The following CNGA4 variants were observed in gnomAD, a reference collection of about 807,000 sequenced individuals.
CNGA4 encodes cyclic nucleotide-gated channel alpha-4.
CNGA4 carries 32 observed loss-of-function variants against 45.6 expected under a neutral mutation model. The ratio of observed to expected loss-of-function variants is 0.70; its 90% CI spans 0.53 to 0.94. The LOEUF is 0.94. CNGA4 is among the 40% of genes least tolerant of loss of function. The pLI, the probability that CNGA4 is intolerant of heterozygous loss-of-function variation, is 0.00. For missense variants in CNGA4, 726 were observed against 755.1 expected, an observed-to-expected ratio of 0.96 and a Z score of 0.45; for synonymous variants, 293 against 304.6, an observed-to-expected ratio of 0.96 and a Z score of 0.40.
upstream of CNGA4, chr11:6,235,361 G>A (rs1022234562): frequency 2.1e-6 from 1 of 483,138 alleles, no homozygotes; most frequent in African/African-American, 2.1e-5. Flanking sequence ...CACGGAATAA[G>A]TGCCTGCATG....
At chr11:6,239,538 GAGGTCA>G (rs1847879872) in intron 2 of CNGA4, 53 bp downstream of exon 2, 4 of 1,590,450 alleles carry the variant, frequency 2.5e-6, no homozygotes, top group Middle Eastern at 1.7e-4. Flanking sequence ...GGACTAAAGA[GAGGTCA>G]AGGAGAAGGG....
upstream of CNGA4, among the ~76,000 whole-genome samples, chr11:6,237,164 G>T (rs1288427556): frequency 1.3e-5 from 2 of 152,190 alleles, no homozygotes; most frequent in Non-Finnish European, 1.5e-5. Context: ...TCTAGCCTTA[G>T]AAGTCACACA....
At chr11:6,236,899 C>G (rs1847846505), upstream of CNGA4, among the ~76,000 whole-genome samples, 1 of 152,156 alleles carries the variant, frequency 6.6e-6, no homozygotes, top group Non-Finnish European at 1.5e-5. Context: ...TCCATGATGT[C>G]TGGGGCCTTA....
In CNGA4 at chr11:6,243,979, A is replaced by T; in HGVS notation, c.1298A>T (p.Asn433Ile). The change falls in exon 6 of 6, where the codon AAC becomes ATC. Residue 433 changes from asparagine to isoleucine, a missense_variant. Asn to Ile is a moderately radical substitution (Grantham distance 149). Transcript: ENST00000379936. ...ATGTCTGGGAACCGCCGCACAGCCA[A>T]CATCAAGAGCCTAGGTTATTCAGAC... ...GNMSGNRRTA[N>I]IKSLGYSDLF... The T allele has an allele frequency of 1.2e-6, 2 of 1,613,964 alleles. No individual in the cohort carries two copies.
At chr11:6,239,991 C>A in intron 3 of CNGA4, 75 bp from the exon 4 acceptor site, 1 of 1,527,710 alleles carries the variant, frequency 6.5e-7, no homozygotes, top group Non-Finnish European at 8.9e-7. Flanking sequence ...GTCTCCCTGG[C>A]CTGCCCTGGG....
At chr11:6,237,742 A>T (rs1204521628), upstream of CNGA4, among the ~76,000 whole-genome samples, 9 of 152,200 alleles carry the variant, frequency 5.9e-5, no homozygotes, top group Non-Finnish European at 1.2e-4. Context: ...AAGCCATGGG[A>T]AAAGAGAGTT....
In CNGA4 at chr11:6,241,696, G is replaced by C; in HGVS notation, c.1183G>C (p.Val395Leu). 6.2e-7 allele frequency: 1 copy of C among 1,614,196 alleles called. No homozygotes were observed. Among genetic ancestry groups the C allele is most frequent in the Non-Finnish European group, 8.5e-7 (1 of 1,180,042 alleles). ...CATCATCCGAGAGGGTCAACTGGCCGTGGTGGCAGATGATGGTATCACACA... is the reference window on the plus strand; with the variant it reads ...CATCATCCGAGAGGGTCAACTGGCCCTGGTGGCAGATGATGGTATCACACA... ...MYIIREGQLA[V>L]VADDGITQYA... The change falls in exon 5 of 6, where the codon GTG (valine) becomes CTG (leucine). Residue 395 changes from valine (V) to leucine (L), a missense_variant. Coordinates refer to ENST00000379936, the MANE Select transcript of CNGA4 (RefSeq NM_001037329.4).
chr11:6,242,418 A>T (rs996066153), intron 5 of CNGA4, among the ~76,000 whole-genome samples: 3 of 152,070 alleles, frequency 2.0e-5, no homozygotes, highest in African/African-American at 7.2e-5. Context: ...CCTGTGCAGT[A>T]GGAATTGTTA....
chr11:6,235,254 G>C (rs891181630), upstream of CNGA4, among the ~76,000 whole-genome samples: 1 of 152,192 alleles, frequency 6.6e-6, no homozygotes, highest in Non-Finnish European at 1.5e-5. Context: ...TGCATAGCTT[G>C]GTCTCTACTT....
chr11:6,240,432 G>A lies in CNGA4; in HGVS notation c.638G>A (p.Arg213His), dbSNP rs376486440. The A allele has an allele frequency of 5.5e-5, 88 of 1,614,120 alleles. No individual in the cohort carries two copies. The East Asian group carries it at 1.6e-3, about 29-fold the overall frequency. The stretch of plus-strand genomic sequence containing the variant: ...GACCCCGCGCAGCCTGGCTTTGAGC[G>A]CCTGCGGCGCCAGTACCTCTATAGC... Reference protein sequence around the residue: ...YPDPAQPGFERLRRQYLYSFY... With the variant: ...YPDPAQPGFEHLRRQYLYSFY... The change falls in exon 4 of 6, where the codon CGC becomes CAC. Residue 213 changes from arginine (R) to histidine (H), a missense_variant. Arg to His is a conservative substitution (Grantham distance 29). Coordinates refer to ENST00000379936, the MANE Select transcript of CNGA4 (RefSeq NM_001037329.4). This position sits in a 1 kb window ranked among gnomAD's most constrained non-coding sequence, Gnocchi z 4.9.
rs1373757845 is a variant in CNGA4, at chr11:6,240,090, T to G, written c.296T>G (p.Val99Gly). The change falls in exon 4 of 6, where the codon GTG (valine) becomes GGG (glycine). Residue 99 changes from valine (V) to glycine (G), a missense_variant. Transcript: ENST00000379936. This position sits in a 1 kb window ranked among gnomAD's most constrained non-coding sequence, Gnocchi z 4.9. ...GGATTCTTGGAACAGGGCATCCTGG[T>G]GGTGGACAAGGGTAGGATCTCGAGT... ...HTGFLEQGIL[V>G]VDKGRISSRY... 3.7e-6 allele frequency: 6 copies of G among 1,611,660 alleles called. No individual in the cohort carries two copies. In the African/African-American group the frequency reaches 8.0e-5, roughly 22 times the overall value.
At position 6,241,681 on chromosome 11, in the gene CNGA4, GA is replaced by G; in HGVS notation, c.1169del (p.Glu390GlyfsTer48). 6.2e-7 allele frequency: 1 copy of G among 1,614,210 alleles called. No individual in the cohort carries two copies. The highest frequency in any genetic ancestry group is 8.5e-7 in the Non-Finnish European group (1 of 1,180,042). On this transcript the variant is annotated frameshift_variant, in exon 5 of 6. Coordinates refer to ENST00000379936, the MANE Select transcript of CNGA4 (RefSeq NM_001037329.4). LOFTEE classifies it high-confidence loss of function. ...DIGQEMYIIR[E>X]GQLAVVADDG... ...TGGCCAAGAGATGTACATCATCCGA[GA>G]GGGTCAACTGGCCGTGGTGGCAGAT...
At chr11:6,243,678 T>C (rs529260194) in intron 5 of CNGA4, among the ~76,000 whole-genome samples, 1 of 152,332 alleles carries the variant, frequency 6.6e-6, no homozygotes, top group East Asian at 1.9e-4. Flanking sequence ...CAGCACCTGA[T>C]GAACATGTCT....
At position 6,240,687 on chromosome 11, in the gene CNGA4, A is replaced by G. The variant is rs772044710; in HGVS notation, c.893A>G (p.Lys298Arg). The G allele has an allele frequency of 1.1e-5, 18 of 1,613,398 alleles. No individual in the cohort carries two copies. Among genetic ancestry groups the G allele is most frequent in the Middle Eastern group, 1.7e-4 (1 of 5,948 alleles). ...KYMKLQHVNR[K>R]LERRVIDWYQ... is the part of the protein sequence containing the mutation. ...ATGAAGCTGCAGCACGTCAACCGCA[A>G]GCTGGAGCGGCGAGTTATTGACTGG... Residue 298 changes from lysine to arginine, a missense_variant, in exon 4 of 6, where the codon AAG becomes AGG. Transcript: ENST00000379936. This position sits in a 1 kb window ranked among gnomAD's most constrained non-coding sequence, Gnocchi z 4.9.
In CNGA4 at chr11:6,239,499, G is replaced by A; in HGVS notation, c.164+14G>A. 2 of 1,613,216 alleles carry A rather than the reference G, an allele frequency of 1.2e-6. No individual in the cohort carries two copies. Among genetic ancestry groups the A allele is most frequent in the Non-Finnish European group, 1.7e-6 (2 of 1,179,158 alleles). ...CCTCGTGTGCAGGTATGGCAGCGGT[G>A]CTAAGGGAGGGGCTGGAAGCCAAAA... On this transcript the variant is annotated intron_variant, in intron 2 of 5. Transcript: ENST00000379936.
At chr11:6,238,735 G>T (rs950027945), upstream of CNGA4, among the ~76,000 whole-genome samples, 1 of 152,222 alleles carries the variant, frequency 6.6e-6, no homozygotes, top group African/African-American at 2.4e-5. Context: ...ACATAGATAA[G>T]CCATTCAGTA....
rs113734045 is a variant in CNGA4 at position 6,244,174 on chromosome 11, G to A, written c.1493G>A (p.Arg498Gln). 353 of 1,614,218 alleles carry A rather than the reference G, an allele frequency of 2.2e-4. No homozygotes were observed. The highest frequency in any genetic ancestry group is 2.7e-4 in the Non-Finnish European group (316 of 1,180,030). Reference protein sequence around the residue: ...ALQEATESRLRGLDQQLDDLQ... With the variant: ...ALQEATESRLQGLDQQLDDLQ... ...CAGGAGGCCACAGAGTCCCGGCTAC[G>A]AGGCCTAGACCAGCAGCTGGATGAT... is the stretch of plus-strand genomic sequence containing the variant. The change falls in exon 6 of 6, where the codon CGA becomes CAA. Residue 498 changes from arginine to glutamine, a missense_variant. Coordinates refer to ENST00000379936, the MANE Select transcript of CNGA4 (RefSeq NM_001037329.4). The surrounding 1 kb of genome is among the most constrained non-coding windows in gnomAD (Gnocchi z 4.5).
In CNGA4 at chr11:6,242,030, A is replaced by G. The variant is rs930065201; in HGVS notation, c.1267+250A>G. 4.8e-5 allele frequency: 26 copies of G among 541,554 alleles called. No homozygotes were observed. In the South Asian group the frequency reaches 6.1e-4, roughly 13 times the overall value. 33.5% of individuals were successfully genotyped at this position (541,554 alleles called of 1,614,324 possible). On this transcript the variant is annotated intron_variant, in intron 5 of 5. Coordinates refer to ENST00000379936, the MANE Select transcript of CNGA4 (RefSeq NM_001037329.4). ...GAGAGAGTAGACTTGCTCTGTGGAT[A>G]TTCACCTGAAGCACCAATAGACTAG...
At chr11:6,238,475 A>G (rs1847865114), upstream of CNGA4, among the ~76,000 whole-genome samples, 1 of 152,224 alleles carries the variant, frequency 6.6e-6, no homozygotes, top group African/African-American at 2.4e-5. Context: ...GTTCACAAAA[A>G]GAGAAAAGTT....
Sources: allele counts gnomAD v4.1 joint callset (sites outside exome capture counted in the v4.1 genomes callset), GRCh38; gene constraint gnomAD v4.1.1; non-coding constraint Gnocchi (gnomAD v3.1); transcripts MANE v1.5; gene names NCBI Gene and HGNC (gene_info 2026-07-23, HGNC 2026-07-21).